TDRD5: variants seen among roughly 807,000 people sequenced by gnomAD.
TDRD5 encodes the protein tudor domain containing 5, also known as tudor domain-containing protein 5.
Under a neutral mutation model 120.6 loss-of-function variants are expected in TDRD5, and 41 were observed. That is an observed-to-expected ratio of 0.34 (90% CI 0.26 to 0.44). The LOEUF (loss-of-function observed/expected upper bound fraction) is 0.44, where lower values mean the gene tolerates loss of function less well. Ranked by LOEUF, TDRD5 falls within the 20% of genes least tolerant of loss-of-function variation. TDRD5 has a pLI of 1.00. For synonymous variants in TDRD5, 430 were observed against 433.7 expected, an observed-to-expected ratio of 0.99 and a Z score of 0.11; for missense variants, 1,006 against 1,221.2, an observed-to-expected ratio of 0.82 and a Z score of 2.63.
intron 4 of TDRD5, among the ~76,000 whole-genome samples, chr1:179,596,936 T>C (rs1472432347): frequency 1.3e-5 from 2 of 152,262 alleles, no homozygotes; most frequent in Non-Finnish European, 2.9e-5. Context: ...ATGAGAGTTG[T>C]AGTTGTTACA....
chr1:179,612,625 C>G (rs941207670), intron 4 of TDRD5, among the ~76,000 whole-genome samples: 1 of 152,088 alleles, frequency 6.6e-6, no homozygotes, highest in East Asian at 1.9e-4. Context: ...GATCTCTAGT[C>G]TTAATACCAT....
intron 7 of TDRD5, among the ~76,000 whole-genome samples, chr1:179,631,961 C>T (rs1182853385): frequency 2.0e-5 from 3 of 146,960 alleles, no homozygotes; most frequent in African/African-American, 5.1e-5. Context: ...GGCTGGAGTG[C>T]AGTGGCGTGA....
Position 179,630,764 on chromosome 1 carries a change from C to T in TDRD5, c.973-3C>T, listed in dbSNP as rs1351012434. 1 of 1,612,020 alleles carries T rather than the reference C, an allele frequency of 6.2e-7. No individual in the cohort carries two copies. The highest frequency in any genetic ancestry group is 8.5e-7 in the Non-Finnish European group (1 of 1,179,236). ...TCATGTAATTTCTATTTTCTTGTGA[C>T]AGGTAATTTTTAAAGAGCAACTATC... On this transcript the variant is annotated splice_region_variant and splice_polypyrimidine_tract_variant and intron_variant, in intron 6 of 17. Coordinates refer to ENST00000444136, the MANE Select transcript of TDRD5 (RefSeq NM_001199085.3).
At chr1:179,626,452 G>A (rs1174550612) in intron 6 of TDRD5, among the ~76,000 whole-genome samples, 4 of 152,134 alleles carry the variant, frequency 2.6e-5, no homozygotes. Context: ...TCTTGAGTAG[G>A]GGTTTGGGTT....
At chr1:179,653,833 G>C (rs902491159) in intron 13 of TDRD5, among the ~76,000 whole-genome samples, 1 of 152,082 alleles carries the variant, frequency 6.6e-6, no homozygotes, top group Non-Finnish European at 1.5e-5. Context: ...CTTCTTCATT[G>C]CATCTTCTCA....
At chr1:179,597,839 C>A (rs2101910963) in intron 4 of TDRD5, among the ~76,000 whole-genome samples, 1 of 141,372 alleles carries the variant, frequency 7.1e-6, no homozygotes, top group South Asian at 2.1e-4. Flanking sequence ...CTCCATTCAC[C>A]TCACACATGT....
intron 17 of TDRD5, among the ~76,000 whole-genome samples, chr1:179,671,278 T>C (rs1258433275): frequency 6.6e-6 from 1 of 152,226 alleles, no homozygotes; most frequent in Non-Finnish European, 1.5e-5. Context: ...ATGTTAGTCC[T>C]CCAACTTTCT....
At chr1:179,626,348 C>T (rs543966535) in intron 6 of TDRD5, among the ~76,000 whole-genome samples, 37 of 152,134 alleles carry the variant, frequency 2.4e-4, no homozygotes, top group Admixed American at 1.9e-3. Context: ...TTAAATAATA[C>T]AATAGCCAAA....
intron 17 of TDRD5, among the ~76,000 whole-genome samples, chr1:179,682,909 G>A (rs1312992023): frequency 6.6e-6 from 1 of 152,136 alleles, no homozygotes; most frequent in Non-Finnish European, 1.5e-5. Context: ...TCTGCCTGCT[G>A]CTTTCTGGTA....
chr1:179,657,295 G>C (rs1029354406), intron 14 of TDRD5, among the ~76,000 whole-genome samples: 1 of 152,026 alleles, frequency 6.6e-6, no homozygotes, highest in South Asian at 2.1e-4. Flanking sequence ...TTCTTCAACA[G>C]TGTTATAATT....
At chr1:179,687,549 T>C (rs549465796) in intron 17 of TDRD5, among the ~76,000 whole-genome samples, 9 of 152,312 alleles carry the variant, frequency 5.9e-5, no homozygotes, top group African/African-American at 1.9e-4. Flanking sequence ...TCTGTAGATG[T>C]CTATTAGGTC....
At chr1:179,631,014 T>A in intron 7 of TDRD5, 94 bp downstream of exon 7, 2 of 1,226,208 alleles carry the variant, frequency 1.6e-6, no homozygotes, top group South Asian at 3.4e-5. Flanking sequence ...ATGAAATGTT[T>A]TATAAAATGA....
chr1:179,667,242 C>T (rs556537293), intron 16 of TDRD5, among the ~76,000 whole-genome samples: 2 of 152,174 alleles, frequency 1.3e-5, no homozygotes, highest in Non-Finnish European at 1.5e-5. Context: ...TACTTGCTTT[C>T]AGATGTGATA....
chr1:179,686,722 C>T (rs1680740374), intron 17 of TDRD5, among the ~76,000 whole-genome samples: 1 of 152,120 alleles, frequency 6.6e-6, no homozygotes, highest in Non-Finnish European at 1.5e-5. Flanking sequence ...GTTTCAGAGC[C>T]TGTTATTGGT....
rs773337377 is a variant in TDRD5, at chr1:179,669,328, G to A, written c.2784G>A (p.Lys928=). ...SEPNNSQTQP[K]QIQLSTAAPC... is the part of the protein sequence containing the mutation. The stretch of plus-strand genomic sequence containing the variant: ...CCAACAACAGTCAGACTCAGCCAAA[G>A]CAAATTCAGCTTTCCACAGCAGCAC... Residue 928 remains lysine (K), a synonymous_variant, in exon 17 of 18, where the codon AAG becomes AAA. Transcript: ENST00000444136. 1.5e-5 allele frequency: 25 copies of A among 1,614,152 alleles called. No individual in the cohort carries two copies. The highest frequency in any genetic ancestry group is 2.0e-5 in the Non-Finnish European group (24 of 1,180,028).
chr1:179,655,709 G>A (rs1044690527), intron 14 of TDRD5, among the ~76,000 whole-genome samples: 5 of 152,162 alleles, frequency 3.3e-5, no homozygotes, highest in African/African-American at 1.2e-4. Context: ...CATATAGTAT[G>A]TAACCTTTGG....
chr1:179,634,735 G>T, intron 8 of TDRD5, 106 bp downstream of exon 8: 1 of 1,266,232 alleles, frequency 7.9e-7, no homozygotes, highest in Non-Finnish European at 1.1e-6. Context: ...CTTATTTCTG[G>T]ATATATCATT....
At chr1:179,610,541 C>CT (rs935859529) in intron 4 of TDRD5, among the ~76,000 whole-genome samples, 8 of 151,846 alleles carry the variant, frequency 5.3e-5, no homozygotes, top group Non-Finnish European at 7.4e-5. Flanking sequence ...GTGGTAGTGT[C>CT]TTTTTTTTCC....
At chr1:179,624,852 C>A (rs1677033293) in intron 6 of TDRD5, among the ~76,000 whole-genome samples, 1 of 152,032 alleles carries the variant, frequency 6.6e-6, no homozygotes, top group Non-Finnish European at 1.5e-5. Flanking sequence ...CATCATAATT[C>A]TTGCGGGCTA....
Sources: gnomAD v4.1 joint callset for allele counts (sites outside exome capture counted in the v4.1 genomes callset) on GRCh38, gnomAD v4.1.1 for gene constraint, MANE v1.5 for transcripts, NCBI Gene and HGNC (gene_info 2026-07-23, HGNC 2026-07-21) for gene names.